Variants in CADM2 observed in about 807,000 individuals in gnomAD.
CADM2 encodes immunoglobulin superfamily member 4D.
Under a neutral mutation model 49.8 loss-of-function variants are expected in CADM2, and 12 were observed. That is an observed-to-expected ratio of 0.24 (90% CI 0.15 to 0.39). CADM2 has a LOEUF of 0.39. Ranked by LOEUF, CADM2 falls within the 10% of genes least tolerant of loss-of-function variation. The probability of loss-of-function intolerance (pLI) is 1.00; values close to 1 mark genes in which losing one functional copy is unlikely to be tolerated. For missense variants in CADM2, 378 were observed against 492.3 expected, an observed-to-expected ratio of 0.77 and a Z score of 2.20; for synonymous variants, 214 against 175.4, an observed-to-expected ratio of 1.22 and a Z score of -1.74.
At chr3:85,316,897 G>T (rs2044478647) in intron 1 of CADM2, among the ~76,000 whole-genome samples, 2 of 152,130 alleles carry the variant, frequency 1.3e-5, no homozygotes, top group South Asian at 4.1e-4. Flanking sequence ...AGGGCACAGT[G>T]GTTCCAGGGG....
chr3:85,113,606 T>C (rs970056610), intron 1 of CADM2, among the ~76,000 whole-genome samples: 1 of 151,890 alleles, frequency 6.6e-6, no homozygotes, highest in Non-Finnish European at 1.5e-5. Flanking sequence ...GTTGATGTAC[T>C]GAAATATTTT....
chr3:85,938,273 C>G (rs1342012533), intron 7 of CADM2, among the ~76,000 whole-genome samples: 1 of 151,954 alleles, frequency 6.6e-6, no homozygotes, highest in Non-Finnish European at 1.5e-5. Context: ...CAAGACAAGA[C>G]TGAAATAATT....
chr3:85,940,759 T>A (rs1251609064), intron 7 of CADM2, among the ~76,000 whole-genome samples: 1 of 152,074 alleles, frequency 6.6e-6, no homozygotes, highest in African/African-American at 2.4e-5. Context: ...GACCTGGGTT[T>A]AAATTATAAA....
At chr3:85,484,038 A>G (rs1285384716) in intron 1 of CADM2, among the ~76,000 whole-genome samples, 1 of 151,842 alleles carries the variant, frequency 6.6e-6, no homozygotes, top group Non-Finnish European at 1.5e-5. Flanking sequence ...ATGTCTGCTC[A>G]GAAAATATCC....
At chr3:85,483,811 T>C (rs756237323) in intron 1 of CADM2, among the ~76,000 whole-genome samples, 3 of 151,568 alleles carry the variant, frequency 2.0e-5, no homozygotes, top group Non-Finnish European at 3.0e-5. Context: ...ATAATTCATA[T>C]TGTTACTTTT....
intron 1 of CADM2, among the ~76,000 whole-genome samples, chr3:85,447,985 C>T (rs2037549551): frequency 6.6e-6 from 1 of 151,978 alleles, no homozygotes; most frequent in African/African-American, 2.4e-5. Context: ...AGCCAATAAG[C>T]AAAACACACA....
rs1202666613 is a variant in CADM2 at position 86,068,134 on chromosome 3, A to C, written c.*1351A>C. On this transcript the variant is annotated 3_prime_UTR_variant, in exon 10 of 10. Coordinates refer to ENST00000383699, the MANE Select transcript of CADM2 (RefSeq NM_001167675.2). ...CTTTATATTAAATTCCTGTCTATGCATTTTGTGAGGTACAAACTGATGAAA... is the reference window on the plus strand; with the variant it reads ...CTTTATATTAAATTCCTGTCTATGCCTTTTGTGAGGTACAAACTGATGAAA... 1 of 152,408 alleles carries C rather than the reference A, an allele frequency of 6.6e-6. No individual in the cohort carries two copies. Among genetic ancestry groups the C allele is most frequent in the African/African-American group, 2.4e-5 (1 of 41,440 alleles). The allele number at this position is 152,408 out of a possible 1,614,324, so 9.4% of individuals were successfully genotyped here. A position where few individuals can be genotyped will look rare whatever the true frequency, so the allele number is the denominator to read the frequency against.
At chr3:85,945,593 C>G (rs188373842) in intron 7 of CADM2, among the ~76,000 whole-genome samples, 1 of 152,228 alleles carries the variant, frequency 6.6e-6, no homozygotes, top group African/African-American at 2.4e-5. Context: ...ATCAAGTGGG[C>G]TTCATCCCTG....
chr3:85,871,758 T>C (rs1433970495), intron 3 of CADM2, among the ~76,000 whole-genome samples: 1 of 152,188 alleles, frequency 6.6e-6, no homozygotes, highest in African/African-American at 2.4e-5. Flanking sequence ...ATGATGGTTT[T>C]CCTATATCCA....
chr3:85,818,846 G>A (rs1326327700), intron 3 of CADM2, among the ~76,000 whole-genome samples: 1 of 147,482 alleles, frequency 6.8e-6, no homozygotes, highest in African/African-American at 2.7e-5. Context: ...AGAAAACAGA[G>A]AAAGAATGTA....
At chr3:85,367,528 C>A (rs1411171102) in intron 1 of CADM2, among the ~76,000 whole-genome samples, 1 of 151,650 alleles carries the variant, frequency 6.6e-6, no homozygotes, top group African/African-American at 2.4e-5. Flanking sequence ...TTATATTATT[C>A]ATTCCCAGGA....
At chr3:85,486,972 T>C (rs1265151487) in intron 1 of CADM2, among the ~76,000 whole-genome samples, 1 of 152,090 alleles carries the variant, frequency 6.6e-6, no homozygotes, top group African/African-American at 2.4e-5. Flanking sequence ...GTGGGCCATC[T>C]CTTCTGTGTC....
chr3:85,090,134 G>A (rs2037539977), intron 1 of CADM2, among the ~76,000 whole-genome samples: 1 of 152,004 alleles, frequency 6.6e-6, no homozygotes, highest in South Asian at 2.1e-4. Flanking sequence ...TTGAACATAT[G>A]AGTTTATATA....
At chr3:84,973,983 T>G (rs2031645150) in intron 1 of CADM2, among the ~76,000 whole-genome samples, 1 of 152,114 alleles carries the variant, frequency 6.6e-6, no homozygotes, top group South Asian at 2.1e-4. Flanking sequence ...AGTTTAAAAA[T>G]AAAATGAATT....
At chr3:86,051,976 A>C (rs1559826504) in intron 8 of CADM2, among the ~76,000 whole-genome samples, 1 of 151,950 alleles carries the variant, frequency 6.6e-6, no homozygotes, top group African/African-American at 2.4e-5. Flanking sequence ...TCAAAAAAAA[A>C]CTTTGTTATT....
chr3:85,910,090 G>T (rs7426412), intron 5 of CADM2, among the ~76,000 whole-genome samples: 100,239 of 152,014 alleles, frequency 0.66, 33,656 homozygotes, highest in African/African-American at 0.78. Flanking sequence ...GCTATCAAAT[G>T]TTATGTGTCC....
At chr3:85,047,868 A>G (rs1433933156) in intron 1 of CADM2, among the ~76,000 whole-genome samples, 1 of 152,162 alleles carries the variant, frequency 6.6e-6, no homozygotes, top group Non-Finnish European at 1.5e-5. Flanking sequence ...CATCAAACAA[A>G]GCAGAAGACT....
chr3:85,918,752 C>G (rs1019277459), intron 6 of CADM2, among the ~76,000 whole-genome samples: 1 of 152,098 alleles, frequency 6.6e-6, no homozygotes, highest in African/African-American at 2.4e-5. Flanking sequence ...AACTTCACAA[C>G]TGAGCAGTGG....
chr3:85,573,402 G>A (rs1227328515), intron 1 of CADM2, among the ~76,000 whole-genome samples: 2 of 151,996 alleles, frequency 1.3e-5, no homozygotes, highest in African/African-American at 4.8e-5. Context: ...ATGCTGGCCA[G>A]GCTGGTCTCA....
Sources: allele counts gnomAD v4.1 joint callset (sites outside exome capture counted in the v4.1 genomes callset), GRCh38; gene constraint gnomAD v4.1.1; transcripts MANE v1.5; gene names NCBI Gene and HGNC (gene_info 2026-07-23, HGNC 2026-07-21).